Variants in ADAM7 observed in about 807,000 individuals in gnomAD.
The protein encoded by ADAM7 is disintegrin and metalloproteinase domain-containing protein 7.
A neutral mutation model predicts 102.9 loss-of-function variants in ADAM7; 97 were observed. The ratio of observed to expected loss-of-function variants is 0.94; its 90% CI spans 0.80 to 1.12. The LOEUF is 1.12. Among genes scored for constraint, ADAM7 ranks in the 50% most tolerant of loss-of-function variants. ADAM7 has a pLI of 0.00. For missense variants in ADAM7, 991 were observed against 908.7 expected, an observed-to-expected ratio of 1.09 and a Z score of -1.16; for synonymous variants, 334 against 304.4, an observed-to-expected ratio of 1.10 and a Z score of -1.01.
At chr8:24,503,964 G>A (rs920394741) in intron 20 of ADAM7, among the ~76,000 whole-genome samples, 4 of 151,506 alleles carry the variant, frequency 2.6e-5, no homozygotes, top group African/African-American at 4.9e-5. Flanking sequence ...ACCATGCCAC[G>A]TGTATACCTA....
chr8:24,482,219 T>G lies in ADAM7; in HGVS notation c.783T>G (p.Tyr261Ter). ...IWTHEDKIEL[Y>*]SNIETTLLRF... ...CACATGAAGATAAAATAGAACTATA[T>G]TCAAATATAGAAACTACCTTATTGC... Residue 261 changes from tyrosine to a stop codon, truncating the protein, a stop_gained, in exon 9 of 22, where the codon TAT (tyrosine) becomes TAG (stop). Transcript: ENST00000175238. LOFTEE classifies it high-confidence loss of function. 6.2e-7 allele frequency: 1 copy of G among 1,609,700 alleles called. No homozygotes were observed. The highest frequency in any genetic ancestry group is 8.5e-7 in the Non-Finnish European group (1 of 1,178,450).
chr8:24,501,408 C>A, intron 19 of ADAM7, 69 bp from the exon 20 acceptor site: 2 of 1,132,014 alleles, frequency 1.8e-6, no homozygotes, highest in Non-Finnish European at 2.6e-6. Context: ...AAAGCTTACT[C>A]ATGAAGAAAT....
intron 3 of ADAM7, among the ~76,000 whole-genome samples, chr8:24,449,570 T>C (rs1442760666): frequency 6.6e-6 from 1 of 152,224 alleles, no homozygotes; most frequent in Non-Finnish European, 1.5e-5. Context: ...GATATGCAGG[T>C]TGCGAAAATT....
chr8:24,479,597 T>C (rs1424606560), intron 8 of ADAM7, among the ~76,000 whole-genome samples: 1 of 152,082 alleles, frequency 6.6e-6, no homozygotes. Flanking sequence ...CCACTGTGGT[T>C]GTTGGCGTCC....
chr8:24,466,322 G>T (rs1819422747), intron 5 of ADAM7, among the ~76,000 whole-genome samples: 1 of 152,168 alleles, frequency 6.6e-6, no homozygotes, highest in South Asian at 2.1e-4. Context: ...AAGAGGAAAA[G>T]AACAAGGAAG....
intron 6 of ADAM7, chr8:24,467,687 C>T (rs979434468): frequency 2.0e-5 from 3 of 152,244 alleles, no homozygotes; most frequent in African/African-American, 7.2e-5. Context: ...TCTGTTTTGT[C>T]CTCAGAGAAT....
At position 24,507,541 on chromosome 8, in the gene ADAM7, T is replaced by C. The variant is rs1820994020; in HGVS notation, c.2264+6T>C. The C allele has an allele frequency of 6.2e-7, 1 of 1,607,578 alleles. No individual in the cohort carries two copies. The highest frequency in any genetic ancestry group is 8.5e-7 in the Non-Finnish European group (1 of 1,174,240). On this transcript the variant is annotated splice_donor_region_variant and intron_variant, in intron 21 of 21. Coordinates refer to ENST00000175238, the MANE Select transcript of ADAM7 (RefSeq NM_003817.4). ...CCCAATCAAAGTGCCAAGTGGTAGG[T>C]TACCCTGACAGATAGTACCTCCCTT...
In ADAM7 at chr8:24,508,632, T is replaced by A; in HGVS notation, c.*86T>A. On this transcript the variant is annotated 3_prime_UTR_variant, in exon 22 of 22. Transcript: ENST00000175238. ...GTCTTTACAACCTTACCTAGATATCTGCTACTCACATTTTTGGTAGTGTTT... is the reference window on the plus strand; with the variant it reads ...GTCTTTACAACCTTACCTAGATATCAGCTACTCACATTTTTGGTAGTGTTT... The A allele has an allele frequency of 6.3e-7, 1 of 1,599,620 alleles. No individual in the cohort carries two copies. Among genetic ancestry groups the A allele is most frequent in the Admixed American group, 1.7e-5 (1 of 58,608 alleles).
In ADAM7 at chr8:24,465,351, G is replaced by A. The variant is rs893357697; in HGVS notation, c.313-348G>A. Among the ~76,000 whole-genome samples the A allele has an allele frequency of 1.3e-5, 2 of 152,272 alleles. 1 individual carries two copies. Among genetic ancestry groups the A allele is most frequent in the Middle Eastern group, 6.8e-3 (2 of 294 alleles). ...ACTTGATTGAAACAGAGAGGCTGGA[G>A]AGAAAGGCTAGTTTCGTAAAAATTT... is the stretch of plus-strand genomic sequence containing the variant. On this transcript the variant is annotated intron_variant, in intron 4 of 21. Coordinates refer to ENST00000175238, the MANE Select transcript of ADAM7 (RefSeq NM_003817.4).
intron 17 of ADAM7, among the ~76,000 whole-genome samples, chr8:24,499,746 G>A (rs1820684845): frequency 6.6e-6 from 1 of 151,624 alleles, no homozygotes; most frequent in African/African-American, 2.4e-5. Flanking sequence ...CTAACAGTTA[G>A]TGCCTAACAT....
chr8:24,481,438 T>A (rs542282814), intron 8 of ADAM7, among the ~76,000 whole-genome samples: 7 of 152,280 alleles, frequency 4.6e-5, no homozygotes, highest in Admixed American at 2.0e-4. Flanking sequence ...TTCAACCTAC[T>A]TGTACTGACT....
intron 8 of ADAM7, among the ~76,000 whole-genome samples, chr8:24,480,621 C>T (rs185482494): frequency 2.6e-5 from 4 of 152,068 alleles, no homozygotes; most frequent in Non-Finnish European, 4.4e-5. Context: ...ATAATATTTC[C>T]GTTTGCACTT....
At chr8:24,508,205 C>T (rs1029085820) in intron 21 of ADAM7, among the ~76,000 whole-genome samples, 1 of 152,178 alleles carries the variant, frequency 6.6e-6, no homozygotes, top group Non-Finnish European at 1.5e-5. Context: ...ACACCGCCCA[C>T]CTCCACCGAA....
chr8:24,488,436 G>C (rs1170254752), intron 11 of ADAM7, among the ~76,000 whole-genome samples: 1 of 152,090 alleles, frequency 6.6e-6, no homozygotes, highest in African/African-American at 2.4e-5. Context: ...TGATTAAATG[G>C]AGTAAAGTGA....
Position 24,508,711 on chromosome 8 carries a change from T to C in ADAM7, c.*165T>C. On this transcript the variant is annotated 3_prime_UTR_variant, in exon 22 of 22. Transcript: ENST00000175238. ...TTTAAGAGAAACAACTTATTTCTGT[T>C]AATATTTACCGGTAGAATTCACACC... 6.9e-7 allele frequency: 1 copy of C among 1,447,102 alleles called. No homozygotes were observed. The highest frequency in any genetic ancestry group is 2.5e-5 in the East Asian group (1 of 40,054). 89.6% of individuals were successfully genotyped at this position (1,447,102 alleles called of 1,614,324 possible).
chr8:24,461,510 GT>G (rs1199477995), intron 3 of ADAM7, among the ~76,000 whole-genome samples: 1 of 152,134 alleles, frequency 6.6e-6, no homozygotes, highest in Non-Finnish European at 1.5e-5. Context: ...CGTAAATGCT[GT>G]TTGATGTTTT....
chr8:24,487,275 G>GCAC lies in ADAM7; in HGVS notation c.1051_1053dup (p.Thr351dup), dbSNP rs779185894. On this transcript the variant is annotated inframe_insertion, in exon 11 of 22. Transcript: ENST00000175238. ...GGGATGCAGCATGACGAGTTCCCATGCACCTGTCCTTCAGGAAAATGCGTG... is the reference window on the plus strand; with the variant it reads ...GGGATGCAGCATGACGAGTTCCCATGCACCACCTGTCCTTCAGGAAAATGCGTG... 3.7e-6 allele frequency: 6 copies of GCAC among 1,613,870 alleles called. No homozygotes were observed. Among genetic ancestry groups the GCAC allele is most frequent in the Non-Finnish European group, 5.1e-6 (6 of 1,179,852 alleles).
intron 3 of ADAM7, among the ~76,000 whole-genome samples, chr8:24,451,933 G>A (rs1291745806): frequency 6.6e-6 from 1 of 151,408 alleles, no homozygotes; most frequent in African/African-American, 2.4e-5. Flanking sequence ...GGAGCAGGTT[G>A]TTCAGTTTCC....
Position 24,489,165 on chromosome 8 carries a change from T to C in ADAM7, c.1098T>C (p.Pro366=), listed in dbSNP as rs369521522. 1.2e-6 allele frequency: 2 copies of C among 1,610,520 alleles called. No individual in the cohort carries two copies. Among genetic ancestry groups the C allele is most frequent in the African/African-American group, 2.7e-5 (2 of 74,836 alleles). The change falls in exon 12 of 22, where the codon CCT becomes CCC. Residue 366 remains proline (P), a synonymous_variant. Transcript: ENST00000175238. ...KCVMDSDGSI[P]ALKFSKCSQN... ...TACCTCATTCTATCTCTAGCATTCC[T>C]GCACTGAAATTCAGTAAATGCAGCC...
Sources: allele counts gnomAD v4.1 joint callset (sites outside exome capture counted in the v4.1 genomes callset), GRCh38; gene constraint gnomAD v4.1.1; transcripts MANE v1.5; gene names NCBI Gene and HGNC (gene_info 2026-07-23, HGNC 2026-07-21).